Variants in PLXNA1 observed in about 807,000 individuals in gnomAD.
PLXNA1 encodes the protein plexin-A1.
Under a neutral mutation model 191.7 loss-of-function variants are expected in PLXNA1, and 77 were observed. The ratio of observed to expected loss-of-function variants is 0.40; its 90% CI spans 0.33 to 0.49. PLXNA1 has a LOEUF of 0.49. Ranked by LOEUF, PLXNA1 falls within the 20% of genes least tolerant of loss-of-function variation. PLXNA1 has a pLI of 0.63. For missense variants in PLXNA1, 2,110 were observed against 2,660.2 expected (o/e 0.79, Z 4.55); for synonymous variants, 1,137 against 1,156.4 (o/e 0.98, Z 0.34).
chr3:127,017,170 C>T (rs2107633231), intron 17 of PLXNA1, 133 bp downstream of exon 17: 1 of 994,880 alleles, frequency 1.0e-6, no homozygotes, highest in Non-Finnish European at 1.5e-6. Flanking sequence ...CTTGGCTGTG[C>T]CTGGAGACCC....
In PLXNA1 at chr3:126,988,494, A is replaced by G; in HGVS notation, c.-73-27A>G. 7 of 1,053,714 alleles carry G rather than the reference A, an allele frequency of 6.6e-6. No individual in the cohort carries two copies. In the South Asian group the frequency reaches 1.2e-4, roughly 18 times the overall value. 65.3% of individuals were successfully genotyped at this position (1,053,714 alleles called of 1,614,324 possible). A position where few individuals can be genotyped will look rare whatever the true frequency, so the allele number is the denominator to read the frequency against. On this transcript the variant is annotated intron_variant, in intron 1 of 31. Coordinates refer to ENST00000393409, the MANE Select transcript of PLXNA1 (RefSeq NM_032242.4). Reference sequence around the variant, plus strand: ...CATGGGATGGGCCATGCCTGCATTCACATGCCCTCTTCTGCCCCTTCCCCA... The same window carrying G: ...CATGGGATGGGCCATGCCTGCATTCGCATGCCCTCTTCTGCCCCTTCCCCA...
chr3:127,021,417 G>C (rs1348266496), intron 21 of PLXNA1, among the ~76,000 whole-genome samples: 1 of 152,178 alleles, frequency 6.6e-6, no homozygotes, highest in Non-Finnish European at 1.5e-5. Context: ...TGCCTAATAG[G>C]GAACATATTG....
At chr3:126,990,028 A>G (rs991720560) in intron 2 of PLXNA1, among the ~76,000 whole-genome samples, 1 of 152,202 alleles carries the variant, frequency 6.6e-6, no homozygotes, top group African/African-American at 2.4e-5. Flanking sequence ...GCCTCAGAAG[A>G]TGGGGTGACG....
intron 19 of PLXNA1, 94 bp downstream of exon 19, chr3:127,017,986 G>T: frequency 6.6e-7 from 1 of 1,511,328 alleles, no homozygotes; most frequent in Admixed American, 1.8e-5. Flanking sequence ...GACCTTGCCC[G>T]AGACTCACCC....
In PLXNA1 at chr3:127,007,896, CGTGTCAACGTGTCTGAG is replaced by C. The variant is rs2079076578; in HGVS notation, c.2098_2112+2del. The C allele has an allele frequency of 6.2e-7, 1 of 1,609,808 alleles. No individual in the cohort carries two copies. The highest frequency in any genetic ancestry group is 8.5e-7 in the Non-Finnish European group (1 of 1,177,474). On this transcript the variant is annotated frameshift_variant and splice_region_variant, in exon 9 of 32. Transcript: ENST00000393409. LOFTEE classifies it high-confidence loss of function. ...GGCTGACTGCGCCTTCCTGGAGGGCCGTGTCAACGTGTCTGAGGTAAGGCCGGGCAAGGGTGAGGGTC... is the reference window on the plus strand; with the variant it reads ...GGCTGACTGCGCCTTCCTGGAGGGCCGTAAGGCCGGGCAAGGGTGAGGGTC...
At position 127,034,810 on chromosome 3, in the gene PLXNA1, G is replaced by T. The variant is rs45473193; in HGVS notation, c.*793G>T. ...GCCACTGGGCCAGGGGCCCCGGGTC[G>T]CAGAGAGCACGTTCCCGTTATTTAT... On this transcript the variant is annotated 3_prime_UTR_variant, in exon 32 of 32. Coordinates refer to ENST00000393409, the MANE Select transcript of PLXNA1 (RefSeq NM_032242.4). The T allele has an allele frequency of 6.6e-6, 1 of 152,638 alleles. No homozygotes were observed. Among genetic ancestry groups the T allele is most frequent in the African/African-American group, 2.4e-5 (1 of 41,438 alleles). The allele number at this position is 152,638 out of a possible 1,614,324, so 9.5% of individuals were successfully genotyped here.
In PLXNA1 at chr3:126,989,770, C is replaced by T; in HGVS notation, c.1177C>T (p.Leu393=). The T allele has an allele frequency of 3.1e-6, 5 of 1,608,142 alleles. No individual in the cohort carries two copies. The highest frequency in any genetic ancestry group is 4.2e-6 in the Non-Finnish European group (5 of 1,176,866). ...LSLPWLLNKE[L]GCINSPLQID... is the part of the protein sequence containing the mutation. ...CCTGCCGTGGCTGCTCAACAAGGAG[C>T]TGGGCTGCATCAACTCGGTGAGTTG... The change falls in exon 2 of 32, where the codon CTG becomes TTG. Residue 393 remains leucine (L), a synonymous_variant. Transcript: ENST00000393409.
In PLXNA1 at chr3:127,029,866, T is replaced by G. The variant is rs1346134522; in HGVS notation, c.4871-8T>G. 7 of 1,599,658 alleles carry G rather than the reference T, an allele frequency of 4.4e-6. No homozygotes were observed. The highest frequency in any genetic ancestry group is 6.0e-6 in the Non-Finnish European group (7 of 1,170,058). On this transcript the variant is annotated splice_region_variant and splice_polypyrimidine_tract_variant and intron_variant, in intron 27 of 31. Coordinates refer to ENST00000393409, the MANE Select transcript of PLXNA1 (RefSeq NM_032242.4). ...GCCAACGCGGGCGCTGACAGCCTGG[T>G]GCTGCAGAGAGCATGCTGCGCACGG... is the stretch of plus-strand genomic sequence containing the variant.
Position 126,992,801 on chromosome 3 carries a change from C to T in PLXNA1, c.1377+1235C>T, listed in dbSNP as rs575041348. ...TGAGTTGGGTCCTCTGCTGTGACTT[C>T]CCTCTTGGCCCCCATGTGGGGTACC... On this transcript the variant is annotated intron_variant, in intron 3 of 31. Transcript: ENST00000393409. 1.4e-4 allele frequency among the ~76,000 whole-genome samples: 21 copies of T among 152,224 alleles called. 1 individual carries two copies. In the South Asian group the frequency reaches 3.9e-3, roughly 29 times the overall value.
Position 127,018,470 on chromosome 3 carries a change from G to A in PLXNA1, c.3837G>A (p.Lys1279=). ...CACGAGATGCTGACCGCACACTCAA[G>A]CGGCTGCAGCTCCAGATGGACAACC... is the stretch of plus-strand genomic sequence containing the variant. ...RKSRDADRTL[K]RLQLQMDNLE... The change falls in exon 20 of 32, where the codon AAG becomes AAA. Residue 1279 remains lysine (K), a synonymous_variant. Transcript: ENST00000393409. 2 of 1,612,806 alleles carry A rather than the reference G, an allele frequency of 1.2e-6. No individual in the cohort carries two copies. The highest frequency in any genetic ancestry group is 8.5e-7 in the Non-Finnish European group (1 of 1,179,776).
At chr3:126,997,784 G>T (rs1240403295) in intron 3 of PLXNA1, among the ~76,000 whole-genome samples, 1 of 152,244 alleles carries the variant, frequency 6.6e-6, no homozygotes, top group African/African-American at 2.4e-5. Flanking sequence ...CCCAGTGGCT[G>T]GCAGGGCCAC....
intron 28 of PLXNA1, 69 bp from the exon 29 acceptor site, chr3:127,030,174 T>C (rs2241675): frequency 0.12 from 183,468 of 1,590,510 alleles, 12,001 homozygotes; most frequent in South Asian, 0.21. Context: ...GCCACTTGCC[T>C]AGTCACCCAG....
At chr3:127,033,264 A>G (rs1394821842) in intron 31 of PLXNA1, among the ~76,000 whole-genome samples, 1 of 152,156 alleles carries the variant, frequency 6.6e-6, no homozygotes, top group East Asian at 1.9e-4. Context: ...GGACCTGGGG[A>G]CGGGGTCCAG....
At chr3:126,991,674 A>T in intron 3 of PLXNA1, 108 bp downstream of exon 3, 1 of 1,217,528 alleles carries the variant, frequency 8.2e-7, no homozygotes, top group Non-Finnish European at 1.1e-6. Flanking sequence ...GGGAGGCTAG[A>T]TCTGGCGTAC....
At chr3:127,004,475 A>T in intron 4 of PLXNA1, 136 bp from the exon 5 acceptor site, 1 of 688,978 alleles carries the variant, frequency 1.5e-6, no homozygotes, top group East Asian at 2.7e-5. Flanking sequence ...GGGTCACCAG[A>T]TCTGCCTTTG....
intron 3 of PLXNA1, among the ~76,000 whole-genome samples, chr3:126,997,466 TTGG>T (rs2079019572): frequency 6.6e-6 from 1 of 152,058 alleles, no homozygotes; most frequent in Non-Finnish European, 1.5e-5. Context: ...ACTGGTAGTC[TTGG>T]TGGGATGGGG....
chr3:127,017,508 G>T lies in PLXNA1; in HGVS notation c.3360G>T (p.Gly1120=). The change falls in exon 18 of 32, where the codon GGG becomes GGT. Residue 1120 remains glycine, a synonymous_variant. Transcript: ENST00000393409. ...CTGTGCGCAGCCCACCAGAGCTGGGGGAGCGGCCGGATGAGCTGGGCTTCG... is the reference window on the plus strand; with the variant it reads ...CTGTGCGCAGCCCACCAGAGCTGGGTGAGCGGCCGGATGAGCTGGGCTTCG... ...ANPVRSPPEL[G]ERPDELGFVM... 6.2e-7 allele frequency: 1 copy of T among 1,613,624 alleles called. No individual in the cohort carries two copies. The highest frequency in any genetic ancestry group is 1.1e-5 in the South Asian group (1 of 91,088).
At position 127,014,190 on chromosome 3, in the gene PLXNA1, T is replaced by A. The variant is rs2079109479; in HGVS notation, c.2419T>A (p.Tyr807Asn). ...CGCACCCCTCCCCACAGCGCACCTC[T>A]ACAAGTGCCCGGCCCTGCGCGAGAG... ...DNPQNIQAHL[Y>N]KCPALRESCG... is the part of the protein sequence containing the mutation. The change falls in exon 12 of 32, where the codon TAC becomes AAC. Residue 807 changes from tyrosine to asparagine, a missense_variant. Physicochemically the swap from Tyr to Asn is moderately radical, Grantham distance 143. Transcript: ENST00000393409. 6.2e-7 allele frequency: 1 copy of A among 1,610,118 alleles called. No homozygotes were observed. The highest frequency in any genetic ancestry group is 1.1e-5 in the South Asian group (1 of 90,956).
intron 10 of PLXNA1, among the ~76,000 whole-genome samples, chr3:127,012,388 C>G (rs560745062): frequency 6.6e-5 from 10 of 152,272 alleles, no homozygotes; most frequent in Non-Finnish European, 1.5e-4. Flanking sequence ...GTCCTGGTAG[C>G]TGCTGAGAGC....
Sources: allele counts gnomAD v4.1 joint callset (sites outside exome capture counted in the v4.1 genomes callset), GRCh38; gene constraint gnomAD v4.1.1; transcripts MANE v1.5; gene names NCBI Gene and HGNC (gene_info 2026-07-23, HGNC 2026-07-21).